SHISA9: variants seen among roughly 807,000 people sequenced by gnomAD.
SHISA9 encodes the protein protein shisa-9.
Under a neutral mutation model 38.0 loss-of-function variants are expected in SHISA9, and 13 were observed. That is an observed-to-expected ratio of 0.34 (90% confidence interval 0.22 to 0.54). The LOEUF (loss-of-function observed/expected upper bound fraction) is 0.54. Among genes scored for constraint, SHISA9 ranks in the 20% least tolerant of loss-of-function variants. The pLI is 0.91. For missense variants in SHISA9, 538 were observed against 575.8 expected (o/e 0.93, Z 0.67); for synonymous variants, 275 against 242.0 (o/e 1.14, Z -1.27).
chr16:13,399,341 A>G, the SHISA9 span, among the ~76,000 whole-genome samples: 1 of 152,256 alleles, frequency 6.6e-6, no homozygotes, highest in African/African-American at 2.4e-5. Flanking sequence ...CCTGAAACAA[A>G]CCATATATTC....
the SHISA9 span, among the ~76,000 whole-genome samples, chr16:13,341,908 G>A: frequency 6.6e-5 from 10 of 152,120 alleles, no homozygotes; most frequent in Admixed American, 6.5e-4. Context: ...CCTTTTCTGT[G>A]ACTGAACCAG....
intron 2 of SHISA9, among the ~76,000 whole-genome samples, chr16:13,181,386 C>T (rs1006200628): frequency 1.2e-4 from 18 of 147,198 alleles, no homozygotes; most frequent in East Asian, 1.0e-3. Context: ...GAAGTGAGAA[C>T]ATTCTAAGCA....
chr16:13,259,517 G>A, the SHISA9 span, among the ~76,000 whole-genome samples: 4 of 152,212 alleles, frequency 2.6e-5, no homozygotes, highest in South Asian at 8.3e-4. Context: ...TTTTCCTCCT[G>A]CACTGCCCTA....
the SHISA9 span, among the ~76,000 whole-genome samples, chr16:13,309,637 A>G: frequency 2.0e-3 from 276 of 136,758 alleles, 3 homozygotes; most frequent in Middle Eastern, 7.3e-3. Flanking sequence ...AGAGAGACTC[A>G]GTCTCAAAAA....
intron 2 of SHISA9, among the ~76,000 whole-genome samples, chr16:13,042,827 C>T (rs2073147064): frequency 4.6e-5 from 7 of 152,164 alleles, no homozygotes; most frequent in Admixed American, 4.6e-4. Context: ...ACTAAAGTTA[C>T]ATAAGAGCAG....
In SHISA9 at chr16:12,981,156, C is replaced by T. The variant is rs539365413; in HGVS notation, c.691+64341C>T. Among the ~76,000 whole-genome samples the T allele has an allele frequency of 4.6e-5, 7 of 152,302 alleles. No individual in the cohort carries two copies. The East Asian group carries it at 7.7e-4, about 17-fold the overall frequency. The stretch of plus-strand genomic sequence containing the variant: ...TACTTTGATGGGCAATGTGGATGCG[C>T]AAAGGCCAGAGCCCCAAGTCAGCCC... On this transcript the variant is annotated intron_variant, in intron 2 of 4. Coordinates refer to ENST00000558583, the MANE Select transcript of SHISA9 (RefSeq NM_001145204.3).
At chr16:13,229,918 C>A (rs1346489147) in intron 4 of SHISA9, among the ~76,000 whole-genome samples, 2 of 152,154 alleles carry the variant, frequency 1.3e-5, no homozygotes, top group Admixed American at 6.5e-5. Context: ...GGTTCTTAGA[C>A]CAGATAGGGG....
At chr16:13,228,762 T>C (rs1417803558) in intron 4 of SHISA9, among the ~76,000 whole-genome samples, 17 of 152,168 alleles carry the variant, frequency 1.1e-4, no homozygotes, top group Admixed American at 5.2e-4. Context: ...GGTAAACTTG[T>C]GTCATGGGGG....
chr16:12,930,806 A>G (rs2071451979), intron 2 of SHISA9, among the ~76,000 whole-genome samples: 1 of 152,170 alleles, frequency 6.6e-6, no homozygotes, highest in South Asian at 2.1e-4. Context: ...ATTATTTTTA[A>G]AAGAAAGTCT....
At chr16:12,979,951 C>T (rs2072218869) in intron 2 of SHISA9, among the ~76,000 whole-genome samples, 1 of 152,042 alleles carries the variant, frequency 6.6e-6, no homozygotes, top group Admixed American at 6.6e-5. Flanking sequence ...TTCAAATCTC[C>T]TGGGGATCAT....
At chr16:13,370,393 G>T in the SHISA9 span, among the ~76,000 whole-genome samples, 1 of 152,146 alleles carries the variant, frequency 6.6e-6, no homozygotes, top group Non-Finnish European at 1.5e-5. Flanking sequence ...AAATGCCTTG[G>T]CCCAAAGACA....
intron 2 of SHISA9, among the ~76,000 whole-genome samples, chr16:13,042,852 G>C (rs534834376): frequency 2.0e-5 from 3 of 152,172 alleles, no homozygotes; most frequent in South Asian, 4.2e-4. Flanking sequence ...CTTTTCCTTG[G>C]CTGCCACTGT....
chr16:13,318,146 C>T, the SHISA9 span, among the ~76,000 whole-genome samples: 12 of 152,060 alleles, frequency 7.9e-5, no homozygotes, highest in African/African-American at 2.7e-4. Context: ...AACAATAGGT[C>T]ATAAACTTAA....
the SHISA9 span, among the ~76,000 whole-genome samples, chr16:13,491,134 C>A: frequency 2.0e-5 from 3 of 152,126 alleles, no homozygotes; most frequent in Non-Finnish European, 4.4e-5. Flanking sequence ...GAGAAAGATG[C>A]ATTAACAGAC....
chr16:13,110,635 G>T (rs533648657), intron 2 of SHISA9, among the ~76,000 whole-genome samples: 1 of 152,296 alleles, frequency 6.6e-6, no homozygotes, highest in African/African-American at 2.4e-5. Flanking sequence ...CTGGAGACTC[G>T]GAAACAGTCA....
the SHISA9 span, among the ~76,000 whole-genome samples, chr16:13,551,843 A>G: frequency 6.6e-6 from 1 of 152,202 alleles, no homozygotes; most frequent in African/African-American, 2.4e-5. Flanking sequence ...CCTGGCCAGC[A>G]TGGTGAAACC....
At chr16:13,014,110 C>T (rs2072712809) in intron 2 of SHISA9, among the ~76,000 whole-genome samples, 1 of 152,146 alleles carries the variant, frequency 6.6e-6, no homozygotes, top group South Asian at 2.1e-4. Context: ...CTCAGTGAGA[C>T]AGGCAAATCC....
At chr16:13,061,104 C>T (rs1050625960) in intron 2 of SHISA9, among the ~76,000 whole-genome samples, 1 of 152,176 alleles carries the variant, frequency 6.6e-6, no homozygotes, top group Non-Finnish European at 1.5e-5. Flanking sequence ...GCTTATCGCC[C>T]TGCCTCTTGG....
intron 3 of SHISA9, among the ~76,000 whole-genome samples, chr16:13,205,606 G>T (rs1261779215): frequency 6.6e-6 from 1 of 152,138 alleles, no homozygotes; most frequent in Admixed American, 6.5e-5. Flanking sequence ...TGCCTGTGAT[G>T]ACTCATATTA....
Sources: allele counts gnomAD v4.1 joint callset (sites outside exome capture counted in the v4.1 genomes callset), GRCh38; gene constraint gnomAD v4.1.1; transcripts MANE v1.5; gene names NCBI Gene and HGNC (gene_info 2026-07-23, HGNC 2026-07-21).